NPSR1: variants seen among roughly 807,000 people sequenced by gnomAD.
NPSR1 encodes neuropeptide S receptor 1, also known as neuropeptide S receptor.
In NPSR1, 48 loss-of-function variants were observed where a neutral mutation model predicts 46.9. The ratio of observed to expected loss-of-function variants is 1.02; its 90% CI spans 0.81 to 1.30. The LOEUF (loss-of-function observed/expected upper bound fraction) is 1.30. Ranked by LOEUF, NPSR1 falls within the 50% of genes most tolerant of loss-of-function variation. The pLI is 0.00. For synonymous variants in NPSR1, 176 were observed against 168.1 expected (o/e 1.05, Z -0.36); for missense variants, 450 against 449.5 (o/e 1.00, Z -0.01).
intron 2 of NPSR1, among the ~76,000 whole-genome samples, chr7:34,716,260 G>A (rs1419792): frequency 0.052 from 7,876 of 152,182 alleles, 258 homozygotes; most frequent in South Asian, 0.091. Context: ...TCCAAAAGAG[G>A]AAATGGACAG....
At chr7:34,848,402 G>A in intron 7 of NPSR1, 81 bp from the exon 8 acceptor site, 2 of 1,222,102 alleles carry the variant, frequency 1.6e-6, no homozygotes, top group South Asian at 1.4e-5. Context: ...AACCTCTCAG[G>A]TAAAAGTCCA....
intron 2 of NPSR1, among the ~76,000 whole-genome samples, chr7:34,734,357 A>G (rs1237922710): frequency 6.6e-6 from 1 of 152,230 alleles, no homozygotes; most frequent in Non-Finnish European, 1.5e-5. Flanking sequence ...ATAAATGTGG[A>G]TACATTCAAA....
chr7:34,714,594 T>C lies in NPSR1; in HGVS notation c.280+29910T>C, dbSNP rs912004602. On this transcript the variant is annotated intron_variant, in intron 2 of 8. Transcript: ENST00000360581. Reference sequence around the variant, plus strand: ...TCCCTCAGTTTCCAAAGATGATAGATCTCCTGGAAGATAAACTTGAGGAGA... The same window carrying C: ...TCCCTCAGTTTCCAAAGATGATAGACCTCCTGGAAGATAAACTTGAGGAGA... 2.0e-5 allele frequency among the ~76,000 whole-genome samples: 3 copies of C among 152,126 alleles called. No individual in the cohort carries two copies. In the South Asian group the frequency reaches 6.2e-4, roughly 32 times the overall value.
chr7:34,673,981 C>T (rs2128676512), intron 1 of NPSR1, among the ~76,000 whole-genome samples: 1 of 152,176 alleles, frequency 6.6e-6, no homozygotes, highest in East Asian at 1.9e-4. Flanking sequence ...AAGCAGGCCT[C>T]CCAGTTGGGT....
intron 3 of NPSR1, among the ~76,000 whole-genome samples, chr7:34,809,879 C>A (rs1405404626): frequency 6.6e-6 from 1 of 152,078 alleles, no homozygotes; most frequent in Admixed American, 6.5e-5. Flanking sequence ...TGAGAATATA[C>A]AGTATTTTGT....
intron 4 of NPSR1, among the ~76,000 whole-genome samples, chr7:34,817,873 C>T (rs1397183122): frequency 6.6e-6 from 1 of 152,172 alleles, no homozygotes; most frequent in Non-Finnish European, 1.5e-5. Flanking sequence ...CAACGCCCTT[C>T]ATGCTAAAAA....
chr7:34,699,901 T>C (rs530705512), intron 2 of NPSR1, among the ~76,000 whole-genome samples: 1 of 152,274 alleles, frequency 6.6e-6, no homozygotes, highest in South Asian at 2.1e-4. Context: ...AGGAGCTTCA[T>C]ATGTCTTGCT....
chr7:34,870,820 A>T (rs1342801587), intron 8 of NPSR1, among the ~76,000 whole-genome samples: 3 of 151,632 alleles, frequency 2.0e-5, no homozygotes, highest in African/African-American at 7.3e-5. Context: ...AGACATGAAA[A>T]AACAGGGTGG....
intron 2 of NPSR1, chr7:34,728,595 G>GT (rs1172336186): frequency 6.6e-6 from 1 of 152,598 alleles, no homozygotes; most frequent in African/African-American, 2.4e-5. Context: ...TTCACCTGAG[G>GT]TTTTTCAGGA....
At chr7:34,859,768 T>A (rs1791141844) in intron 8 of NPSR1, among the ~76,000 whole-genome samples, 1 of 151,836 alleles carries the variant, frequency 6.6e-6, no homozygotes, top group Non-Finnish European at 1.5e-5. Context: ...TCTGACTTAC[T>A]GGGTTCTGGG....
chr7:34,821,726 TATC>T (rs776734964), intron 4 of NPSR1, among the ~76,000 whole-genome samples: 2 of 152,158 alleles, frequency 1.3e-5, no homozygotes, highest in South Asian at 2.1e-4. Context: ...CACTGTGTAA[TATC>T]ATCAAGAGTG....
At chr7:34,722,813 A>T (rs1430550855) in intron 2 of NPSR1, among the ~76,000 whole-genome samples, 1 of 152,204 alleles carries the variant, frequency 6.6e-6, no homozygotes, top group Non-Finnish European at 1.5e-5. Flanking sequence ...CATGGAGGGA[A>T]GTGTCTTGAG....
chr7:34,791,070 TTA>T (rs1229180804), intron 3 of NPSR1, among the ~76,000 whole-genome samples: 2 of 118,072 alleles, frequency 1.7e-5, no homozygotes, highest in South Asian at 2.5e-4. Context: ...ATATATTATA[TTA>T]TATATGTTAT....
chr7:34,742,516 G>T (rs939079167), intron 2 of NPSR1, among the ~76,000 whole-genome samples: 1 of 152,168 alleles, frequency 6.6e-6, no homozygotes, highest in Non-Finnish European at 1.5e-5. Context: ...TTTTATGATT[G>T]CATAGTATCC....
intron 2 of NPSR1, among the ~76,000 whole-genome samples, chr7:34,745,407 A>AT (rs1180515505): frequency 2.0e-5 from 3 of 152,048 alleles, no homozygotes; most frequent in Admixed American, 2.0e-4. Context: ...TATTACAATT[A>AT]TTTTTTCATT....
At chr7:34,806,760 A>G (rs908337371) in intron 3 of NPSR1, among the ~76,000 whole-genome samples, 36 of 152,162 alleles carry the variant, frequency 2.4e-4, no homozygotes, top group African/African-American at 7.5e-4. Context: ...AGTCATAGGG[A>G]AACCCTCTGT....
At chr7:34,826,816 G>A (rs569575331) in intron 4 of NPSR1, among the ~76,000 whole-genome samples, 13 of 150,210 alleles carry the variant, frequency 8.7e-5, no homozygotes, top group Admixed American at 8.0e-4. Context: ...GGCTGGTTTT[G>A]AATGCACCCT....
At chr7:34,745,773 C>A (rs551007019) in intron 2 of NPSR1, among the ~76,000 whole-genome samples, 12 of 152,308 alleles carry the variant, frequency 7.9e-5, no homozygotes, top group Admixed American at 3.3e-4. Context: ...CTTGGTCTCC[C>A]AAATTGCTGG....
intron 2 of NPSR1, chr7:34,751,480 G>A (rs1785523105): frequency 1.6e-6 from 2 of 1,237,096 alleles, no homozygotes; most frequent in Non-Finnish European, 2.4e-6. Context: ...GATTAGTTCT[G>A]CCTCCGTGTC....
Sources: allele counts gnomAD v4.1 joint callset (sites outside exome capture counted in the v4.1 genomes callset), GRCh38; gene constraint gnomAD v4.1.1; transcripts MANE v1.5; gene names NCBI Gene and HGNC (gene_info 2026-07-23, HGNC 2026-07-21).